Variants in ABL1 observed in about 807,000 individuals in gnomAD.
ABL1 encodes tyrosine-protein kinase ABL1.
In ABL1, 11 loss-of-function variants were observed where a neutral mutation model predicts 94.7. The observed-to-expected ratio is 0.12, with a 90% CI of 0.07 to 0.19. The LOEUF is 0.19. Ranked by LOEUF, ABL1 falls within the 10% of genes least tolerant of loss-of-function variation. The pLI is 1.00. For synonymous variants in ABL1, 656 were observed against 622.4 expected (o/e 1.05, Z -0.80); for missense variants, 1,082 against 1,489.4 (o/e 0.73, Z 4.50).
chr9:130,792,579 C>A (rs533776131), intron 1 of ABL1, among the ~76,000 whole-genome samples: 1 of 151,844 alleles, frequency 6.6e-6, no homozygotes, highest in Non-Finnish European at 1.5e-5. Context: ...AGAAGAAGTA[C>A]GGAATTGGGG....
intron 1 of ABL1, among the ~76,000 whole-genome samples, chr9:130,792,217 C>T (rs191127668): frequency 1.1e-3 from 173 of 152,268 alleles, no homozygotes; most frequent in South Asian, 3.3e-3. Context: ...ACCATTTACA[C>T]GTCGAGTCTT....
chr9:130,842,457 C>T (rs981817171), intron 1 of ABL1, among the ~76,000 whole-genome samples: 23 of 152,110 alleles, frequency 1.5e-4, no homozygotes, highest in African/African-American at 5.1e-4. Flanking sequence ...TAGCTAATAG[C>T]GTTGTTCATT....
intron 1 of ABL1, among the ~76,000 whole-genome samples, chr9:130,816,986 G>A (rs1461460675): frequency 1.3e-5 from 2 of 152,138 alleles, no homozygotes; most frequent in African/African-American, 2.4e-5. Context: ...GATTACAGGC[G>A]TGAGCCACCG....
chr9:130,853,612 A>G (rs969988096), intron 1 of ABL1, among the ~76,000 whole-genome samples: 2 of 151,910 alleles, frequency 1.3e-5, no homozygotes, highest in Admixed American at 6.6e-5. Flanking sequence ...ACAGGGTTTC[A>G]CCATGTTGGT....
intron 1 of ABL1, among the ~76,000 whole-genome samples, chr9:130,824,386 G>T (rs1830400347): frequency 6.6e-6 from 1 of 152,188 alleles, no homozygotes; most frequent in African/African-American, 2.4e-5. Context: ...GCCCTCAACG[G>T]ACTGGAGGAT....
At position 130,862,029 on chromosome 9, in the gene ABL1, C is replaced by T. The variant is rs1213564625; in HGVS notation, c.550-734C>T. Among the ~76,000 whole-genome samples the T allele has an allele frequency of 1.3e-5, 2 of 152,190 alleles. No homozygotes were observed. The highest frequency in any genetic ancestry group is 2.4e-5 in the African/African-American group (1 of 41,446). ...AGCTCTCACACGGGGACCGAATGCT[C>T]TTGTGTCGTAAATCCTTCCTTTTGC... On this transcript the variant is annotated intron_variant, in intron 3 of 10. Coordinates refer to ENST00000318560, the MANE Select transcript of ABL1 (RefSeq NM_005157.6). The surrounding 1 kb of genome is among the most constrained non-coding windows in gnomAD (Gnocchi z 5.5).
intron 1 of ABL1, among the ~76,000 whole-genome samples, chr9:130,844,128 G>A (rs890467344): frequency 6.6e-6 from 1 of 152,180 alleles, no homozygotes. Context: ...GCTCTCTTCT[G>A]CCTCTCGGCT....
chr9:130,875,446 CTTT>C (rs34709473), intron 7 of ABL1, among the ~76,000 whole-genome samples: 12 of 145,112 alleles, frequency 8.3e-5, no homozygotes, highest in African/African-American at 2.5e-4. Flanking sequence ...CACAGCCACC[CTTT>C]TTTTTTTTTT....
At chr9:130,735,948 TATATATATATA>T (rs1831731882) in intron 1 of ABL1, among the ~76,000 whole-genome samples, 1 of 82,546 alleles carries the variant, frequency 1.2e-5, no homozygotes, top group Non-Finnish European at 2.0e-5. Flanking sequence ...TATATATATA[TATATATATATA>T]TATTTTTTTT....
chr9:130,872,062 G>C lies in ABL1; in HGVS notation c.823-67G>C. Reference sequence around the variant, plus strand: ...CTGAAGCTCCATTTTGCATTAACTAGTCAAGTACTTACCCACTGAAAAGCA... The same window carrying C: ...CTGAAGCTCCATTTTGCATTAACTACTCAAGTACTTACCCACTGAAAAGCA... On this transcript the variant is annotated intron_variant, in intron 4 of 10. Coordinates refer to ENST00000318560, the MANE Select transcript of ABL1 (RefSeq NM_005157.6). This position sits in a 1 kb window ranked among gnomAD's most constrained non-coding sequence, Gnocchi z 5.0. The C allele has an allele frequency of 6.9e-7, 1 of 1,448,492 alleles. No individual in the cohort carries two copies. The allele number at this position is 1,448,492 out of a possible 1,614,324, so 89.7% of individuals were successfully genotyped here. A position where few individuals can be genotyped will look rare whatever the true frequency, so the allele number is the denominator to read the frequency against.
In ABL1 at chr9:130,876,701, G is replaced by A. The variant is rs926902197; in HGVS notation, c.1270+1649G>A. ...CTCCCAAAGTGCTGGGATTACAGGC[G>A]TGAGCCACCATGCCCTGCCACAAGT... On this transcript the variant is annotated intron_variant, in intron 7 of 10. Transcript: ENST00000318560. 1.8e-4 allele frequency among the ~76,000 whole-genome samples: 27 copies of A among 147,058 alleles called. No homozygotes were observed. In the South Asian group the frequency reaches 2.2e-3, roughly 12 times the overall value.
At chr9:130,808,729 C>T (rs1247343074) in intron 1 of ABL1, among the ~76,000 whole-genome samples, 1 of 152,184 alleles carries the variant, frequency 6.6e-6, no homozygotes, top group Non-Finnish European at 1.5e-5. Context: ...TGATGACTCC[C>T]ACATTTATAA....
chr9:130,857,624 C>A lies in ABL1; in HGVS notation c.549+2528C>A, dbSNP rs561017839. ...TATCTGATAGGCTAGTCCCCACTTA[C>A]CTTTTTAACTTTTTTTTTTTTTGGC... On this transcript the variant is annotated intron_variant, in intron 3 of 10. Transcript: ENST00000318560. Among the ~76,000 whole-genome samples the A allele has an allele frequency of 1.1e-3, 171 of 149,732 alleles. 1 individual carries two copies. The highest frequency in any genetic ancestry group is 0.01 in the Admixed American group (157 of 15,054).
rs1588283436 is a variant in ABL1, at chr9:130,884,769, G to T, written c.2479G>T (p.Ala827Ser). The T allele has an allele frequency of 4.3e-6, 7 of 1,611,656 alleles. No individual in the cohort carries two copies. The East Asian group carries it at 1.6e-4, about 36-fold the overall frequency. The part of the protein sequence containing the change: ...PLRRQVTVAP[A>S]SGLPHKEEAG... ...CCGGCGGCAGGTCACCGTGGCCCCT[G>T]CCTCGGGCCTCCCCCACAAGGAAGA... Residue 827 changes from alanine to serine, a missense_variant, in exon 11 of 11, where the codon GCC becomes TCC. Around this residue, in one of 7 missense-constraint regions of ABL1, gnomAD observed 780 missense variants for 835.8 expected, o/e 0.93. Transcript: ENST00000318560. The surrounding 1 kb of genome is among the most constrained non-coding windows in gnomAD (Gnocchi z 5.6).
chr9:130,886,863 C>G lies in ABL1; in HGVS notation c.*1180C>G, dbSNP rs1831594121. The stretch of plus-strand genomic sequence containing the variant: ...AGGGCCTGGCCAGTCCTGGTCCTGG[C>G]TGCACTCTTGAACTGGGCGAATGTC... On this transcript the variant is annotated 3_prime_UTR_variant, in exon 11 of 11. Coordinates refer to ENST00000318560, the MANE Select transcript of ABL1 (RefSeq NM_005157.6). 4.3e-6 allele frequency: 1 copy of G among 233,198 alleles called. No individual in the cohort carries two copies. Among genetic ancestry groups the G allele is most frequent in the Admixed American group, 5.6e-5 (1 of 17,780 alleles). 14.4% of individuals were successfully genotyped at this position (233,198 alleles called of 1,614,324 possible). A position where few individuals can be genotyped will look rare whatever the true frequency, so the allele number is the denominator to read the frequency against.
At chr9:130,777,294 C>CTA (rs1829678058) in intron 1 of ABL1, among the ~76,000 whole-genome samples, 1 of 152,162 alleles carries the variant, frequency 6.6e-6, no homozygotes, top group African/African-American at 2.4e-5. Flanking sequence ...GTTGGGAGTC[C>CTA]TATATATGTG....
At chr9:130,847,990 A>C (rs1314289033) in intron 1 of ABL1, among the ~76,000 whole-genome samples, 1 of 152,198 alleles carries the variant, frequency 6.6e-6, no homozygotes, top group African/African-American at 2.4e-5. Flanking sequence ...CAGATGCGGC[A>C]GAATGTTTGA....
intron 4 of ABL1, among the ~76,000 whole-genome samples, chr9:130,866,362 T>C (rs1161165327): frequency 6.6e-6 from 1 of 151,944 alleles, no homozygotes; most frequent in African/African-American, 2.4e-5. Flanking sequence ...AATCACCTTT[T>C]CCCCCCACTC....
At position 130,862,402 on chromosome 9, in the gene ABL1, C is replaced by T. The variant is rs1004465602; in HGVS notation, c.550-361C>T. Among the ~76,000 whole-genome samples the T allele has an allele frequency of 2.0e-5, 3 of 152,074 alleles. No individual in the cohort carries two copies. Among genetic ancestry groups the T allele is most frequent in the Admixed American group, 6.5e-5 (1 of 15,274 alleles). On this transcript the variant is annotated intron_variant, in intron 3 of 10. Transcript: ENST00000318560. The surrounding 1 kb of genome is among the most constrained non-coding windows in gnomAD (Gnocchi z 5.5). ...AGACAGGTGGTAGGATGACCCGTGC[C>T]GTGTGATGACTTTAGATTGGGTGGT...
Sources: allele counts gnomAD v4.1 joint callset (sites outside exome capture counted in the v4.1 genomes callset), GRCh38; gene constraint gnomAD v4.1.1; regional missense constraint gnomAD v4.1.1; non-coding constraint Gnocchi (gnomAD v3.1); transcripts MANE v1.5; gene names NCBI Gene and HGNC (gene_info 2026-07-23, HGNC 2026-07-21).